The following NFATC3 variants were observed in gnomAD, a reference collection of about 807,000 sequenced individuals.
NFATC3 encodes the protein nuclear factor of activated T-cells, cytoplasmic 3.
A neutral mutation model predicts 98.6 loss-of-function variants in NFATC3; 46 were observed. The ratio of observed to expected loss-of-function variants is 0.47; its 90% confidence interval spans 0.37 to 0.60. The LOEUF is 0.60. NFATC3 is among the 20% of genes least tolerant of loss of function. The pLI is 0.00. For missense variants in NFATC3, 1,256 were observed against 1,295.5 expected (o/e 0.97, Z 0.47); for synonymous variants, 512 against 472.2 (o/e 1.08, Z -1.09).
chr16:68,168,059 C>G (rs1598489808), intron 5 of NFATC3, among the ~76,000 whole-genome samples: 1 of 151,644 alleles, frequency 6.6e-6, no homozygotes, highest in East Asian at 1.9e-4. Context: ...CCCTCGAAAT[C>G]CTGACCTCAG....
intron 9 of NFATC3, among the ~76,000 whole-genome samples, chr16:68,224,466 A>G (rs2041973522): frequency 6.6e-6 from 1 of 151,132 alleles, no homozygotes; most frequent in Non-Finnish European, 1.5e-5. Flanking sequence ...TAGTAGAGAC[A>G]GGTTTTCACC....
chr16:68,102,581 T>A (rs2035433841), intron 1 of NFATC3, among the ~76,000 whole-genome samples: 2 of 152,148 alleles, frequency 1.3e-5, no homozygotes, highest in African/African-American at 4.8e-5. Flanking sequence ...TACCCTCCTC[T>A]GAGTCTTTTA....
At chr16:68,205,297 G>T (rs1252197598) in intron 9 of NFATC3, among the ~76,000 whole-genome samples, 1 of 152,088 alleles carries the variant, frequency 6.6e-6, no homozygotes, top group African/African-American at 2.4e-5. Context: ...GATCAGGCTG[G>T]AGTGCAGTGG....
chr16:68,207,956 T>G (rs572253406), intron 9 of NFATC3, among the ~76,000 whole-genome samples: 3 of 152,222 alleles, frequency 2.0e-5, no homozygotes, highest in Non-Finnish European at 4.4e-5. Context: ...CATTTCCCTA[T>G]TGACTAATGG....
chr16:68,124,978 G>T (rs556945508), intron 2 of NFATC3, among the ~76,000 whole-genome samples: 1 of 147,988 alleles, frequency 6.8e-6, no homozygotes, highest in African/African-American at 2.5e-5. Flanking sequence ...TGATCTGCCC[G>T]CCTCGGCCTC....
At chr16:68,177,581 TTC>T (rs2039773590) in intron 6 of NFATC3, among the ~76,000 whole-genome samples, 1 of 119,030 alleles carries the variant, frequency 8.4e-6, no homozygotes, top group Non-Finnish European at 1.9e-5. Context: ...TATATTTAAC[TTC>T]TTTTTACTTT....
At chr16:68,102,395 A>AG (rs1049658120) in intron 1 of NFATC3, among the ~76,000 whole-genome samples, 8 of 151,056 alleles carry the variant, frequency 5.3e-5, no homozygotes, top group Admixed American at 2.0e-4. Flanking sequence ...AAAAAAAAAA[A>AG]AAAAAAGTCT....
At chr16:68,108,488 T>C (rs1303114582) in intron 1 of NFATC3, among the ~76,000 whole-genome samples, 1 of 152,194 alleles carries the variant, frequency 6.6e-6, no homozygotes, top group African/African-American at 2.4e-5. Context: ...AGCCTTGTAG[T>C]ATAGTTTGAA....
chr16:68,145,293 G>C (rs1000200676), intron 3 of NFATC3, among the ~76,000 whole-genome samples: 10 of 151,914 alleles, frequency 6.6e-5, no homozygotes, highest in Non-Finnish European at 1.3e-4. Context: ...ACAGGTGTGC[G>C]CCACCATGCC....
chr16:68,174,929 TTGAAAGGGTTAGAAATACGTGTCCGTACA>T (rs2039617656), intron 6 of NFATC3, among the ~76,000 whole-genome samples: 1 of 152,362 alleles, frequency 6.6e-6, no homozygotes, highest in African/African-American at 2.4e-5. Flanking sequence ...AAGTGTTTAC[TTGAAAGGGTTAGAAATACGTGTCCGTACA>T]TGAACTTAGA....
At chr16:68,194,738 T>TAA (rs2040588232) in intron 9 of NFATC3, among the ~76,000 whole-genome samples, 1 of 152,178 alleles carries the variant, frequency 6.6e-6, no homozygotes, top group Admixed American at 6.5e-5. Flanking sequence ...AGCCCAAAGC[T>TAA]AGAACCTGCT....
At chr16:68,162,897 C>T (rs569699808) in intron 4 of NFATC3, among the ~76,000 whole-genome samples, 2 of 151,996 alleles carry the variant, frequency 1.3e-5, no homozygotes, top group East Asian at 1.9e-4. Flanking sequence ...TGCCGCCTTC[C>T]GCAGTGTTTG....
chr16:68,105,157 C>A (rs1236211016), intron 1 of NFATC3, among the ~76,000 whole-genome samples: 1 of 143,086 alleles, frequency 7.0e-6, no homozygotes, highest in South Asian at 2.2e-4. Context: ...CTGGTATGAT[C>A]TTGGCTTACT....
At chr16:68,160,288 AC>A (rs1326300831) in intron 4 of NFATC3, among the ~76,000 whole-genome samples, 4 of 151,250 alleles carry the variant, frequency 2.6e-5, no homozygotes, top group Non-Finnish European at 4.4e-5. Flanking sequence ...ATATGGTGAA[AC>A]CCCCAACTCT....
intron 4 of NFATC3, among the ~76,000 whole-genome samples, 169 bp downstream of exon 4, chr16:68,158,237 A>C (rs2038712553): frequency 6.6e-6 from 1 of 152,172 alleles, no homozygotes; most frequent in Non-Finnish European, 1.5e-5. Context: ...CCAGAAGGAA[A>C]ATTCAATTCA....
intron 1 of NFATC3, among the ~76,000 whole-genome samples, chr16:68,114,068 G>A (rs1237813401): frequency 6.6e-6 from 1 of 152,208 alleles, no homozygotes; most frequent in Non-Finnish European, 1.5e-5. Context: ...GGGTCCCAAG[G>A]CCTTGGTGGC....
chr16:68,178,856 G>A (rs1304510040), intron 6 of NFATC3, among the ~76,000 whole-genome samples: 1 of 152,144 alleles, frequency 6.6e-6, no homozygotes, highest in African/African-American at 2.4e-5. Flanking sequence ...GTTAAATGGT[G>A]GCAGTTACTG....
chr16:68,156,336 A>AACAAC lies in NFATC3; in HGVS notation c.1402-1532_1402-1531insCAACA, dbSNP rs562498359. ...GTCTCAAAAACAACAACAACAACAAAAACAAAAACAAATGGATAATGATGG... is the reference window on the plus strand; with the variant it reads ...GTCTCAAAAACAACAACAACAACAAAACAACAACAAAAACAAATGGATAATGATGG... On this transcript the variant is annotated intron_variant, in intron 3 of 9. Coordinates refer to ENST00000346183, the MANE Select transcript of NFATC3 (RefSeq NM_173165.3). Among the ~76,000 whole-genome samples, 24 of 152,114 alleles carry AACAAC rather than the reference A, an allele frequency of 1.6e-4. No individual in the cohort carries two copies. In the South Asian group the frequency reaches 2.7e-3, roughly 17 times the overall value.
At chr16:68,199,280 G>A (rs1198252912) in intron 9 of NFATC3, among the ~76,000 whole-genome samples, 1 of 149,836 alleles carries the variant, frequency 6.7e-6, no homozygotes, top group Non-Finnish European at 1.5e-5. Context: ...CTGGAGTGCA[G>A]TGGCGCGATC....
Sources: allele counts gnomAD v4.1 joint callset (sites outside exome capture counted in the v4.1 genomes callset), GRCh38; gene constraint gnomAD v4.1.1; transcripts MANE v1.5; gene names NCBI Gene and HGNC (gene_info 2026-07-23, HGNC 2026-07-21).